RBFOX3: variants seen among roughly 807,000 people sequenced by gnomAD.
RBFOX3 encodes the protein RNA binding protein fox-1 homolog 3.
Under a neutral mutation model 48.7 loss-of-function variants are expected in RBFOX3, and 17 were observed. That is an observed-to-expected ratio of 0.35 (90% confidence interval 0.24 to 0.52). RBFOX3 has a LOEUF of 0.52. Ranked by LOEUF, RBFOX3 falls within the 20% of genes least tolerant of loss-of-function variation. The pLI, the probability that RBFOX3 is intolerant of heterozygous loss-of-function variation, is 0.94. For synonymous variants in RBFOX3, 212 were observed against 209.5 expected, an observed-to-expected ratio of 1.01 and a Z score of -0.10; for missense variants, 382 against 497.5, an observed-to-expected ratio of 0.77 and a Z score of 2.21.
chr17:79,142,804 A>G (rs1475689603), intron 4 of RBFOX3, among the ~76,000 whole-genome samples: 1 of 152,216 alleles, frequency 6.6e-6, no homozygotes. Context: ...ACAGCCCCCA[A>G]GGTCCTCTGG....
rs377031831 is a variant in RBFOX3 at position 79,400,375 on chromosome 17, G to A, written c.-175+82079C>T. Among the ~76,000 whole-genome samples the A allele has an allele frequency of 1.1e-4, 17 of 152,270 alleles. No individual in the cohort carries two copies. The East Asian group carries it at 1.7e-3, about 16-fold the overall frequency. On this transcript the variant is annotated intron_variant, in intron 2 of 14. Coordinates refer to ENST00000693108, the MANE Select transcript of RBFOX3 (RefSeq NM_001350451.2). ...TCTCCAACCCTGCCTCTGCCGTCAC[G>A]GGGCCTTTTCCTGTATGTGTCTTCA... is the stretch of plus-strand genomic sequence containing the variant.
At chr17:79,331,575 C>G (rs4789888) in intron 2 of RBFOX3, among the ~76,000 whole-genome samples, 1 of 152,128 alleles carries the variant, frequency 6.6e-6, no homozygotes, top group Admixed American at 6.5e-5. Context: ...TGTTATTAGA[C>G]GTTTTCACAA....
rs1568257875 is a variant in RBFOX3 at position 79,442,236 on chromosome 17, A to AGG, written c.-175+40217_-175+40218insCC. On this transcript the variant is annotated intron_variant, in intron 2 of 14. Transcript: ENST00000693108. ...GGGGGAGAGAGAGAGAGAGAGAGAG[A>AGG]GAGAGAGAGAGAGAGAGAGAGAGAG... Among the ~76,000 whole-genome samples, 21 of 6,704 alleles carry AGG rather than the reference A, an allele frequency of 3.1e-3. 3 individuals are homozygous for AGG. Among genetic ancestry groups the AGG allele is most frequent in the South Asian group, 0.021 (2 of 94 alleles). 4.4% of individuals were successfully genotyped at this position (6,704 alleles called of 152,430 possible).
intron 1 of RBFOX3, among the ~76,000 whole-genome samples, chr17:79,490,790 G>T (rs1475323159): frequency 2.0e-5 from 3 of 151,224 alleles, no homozygotes; most frequent in African/African-American, 7.3e-5. Context: ...GCTCCTACAA[G>T]ATGGCAAGCT....
chr17:79,301,625 T>C (rs901906556), intron 3 of RBFOX3, among the ~76,000 whole-genome samples: 1 of 152,152 alleles, frequency 6.6e-6, no homozygotes, highest in Non-Finnish European at 1.5e-5. Context: ...CATCACACAG[T>C]GTCAAGACAG....
chr17:79,275,959 C>T (rs1051753124), intron 3 of RBFOX3, among the ~76,000 whole-genome samples: 4 of 152,338 alleles, frequency 2.6e-5, no homozygotes, highest in South Asian at 4.1e-4. Context: ...CAGCCAAAAA[C>T]GGGAAACAAC....
intron 14 of RBFOX3, among the ~76,000 whole-genome samples, chr17:79,093,791 CCA>C (rs60453390): frequency 0.15 from 21,836 of 143,718 alleles, 1,574 homozygotes; most frequent in African/African-American, 0.17. Flanking sequence ...CAACAGCTGG[CCA>C]CACACACACA....
At chr17:79,314,026 G>A (rs1297660447) in intron 2 of RBFOX3, among the ~76,000 whole-genome samples, 1 of 152,222 alleles carries the variant, frequency 6.6e-6, no homozygotes, top group Non-Finnish European at 1.5e-5. Flanking sequence ...TGGCCTCAGA[G>A]GGCAGCGAGT....
intron 2 of RBFOX3, among the ~76,000 whole-genome samples, chr17:79,332,807 A>T (rs1052288225): frequency 6.6e-6 from 1 of 151,804 alleles, no homozygotes; most frequent in Middle Eastern, 3.2e-3. Context: ...AGCCAGAGAG[A>T]AAAAGAGAGA....
At position 79,363,806 on chromosome 17, in the gene RBFOX3, C is replaced by T. The variant is rs571610305; in HGVS notation, c.-174-55982G>A. Among the ~76,000 whole-genome samples, 18 of 152,224 alleles carry T rather than the reference C, an allele frequency of 1.2e-4. No homozygotes were observed. The highest frequency in any genetic ancestry group is 5.2e-4 in the Admixed American group (8 of 15,292). ...TCTGACTGAGGAAGGTCAATCAGCTCGCACCCCTGCCCCACTCAGAACTCT... is the reference window on the plus strand; with the variant it reads ...TCTGACTGAGGAAGGTCAATCAGCTTGCACCCCTGCCCCACTCAGAACTCT... On this transcript the variant is annotated intron_variant, in intron 2 of 14. Transcript: ENST00000693108. This position sits in a 1 kb window ranked among gnomAD's most constrained non-coding sequence, Gnocchi z 4.7.
At position 79,356,024 on chromosome 17, in the gene RBFOX3, C is replaced by T. The variant is rs202048448; in HGVS notation, c.-174-48200G>A. ...TCACTCCTAACTCCAAATATCACTGCGTCTGTATAAACTCTTTCCCCTCTC... is the reference window on the plus strand; with the variant it reads ...TCACTCCTAACTCCAAATATCACTGTGTCTGTATAAACTCTTTCCCCTCTC... On this transcript the variant is annotated intron_variant, in intron 2 of 14. Coordinates refer to ENST00000693108, the MANE Select transcript of RBFOX3 (RefSeq NM_001350451.2). 6.6e-5 allele frequency among the ~76,000 whole-genome samples: 10 copies of T among 152,286 alleles called. No individual in the cohort carries two copies. The East Asian group carries it at 9.6e-4, about 15-fold the overall frequency.
At chr17:79,631,700 CAGG>C in the RBFOX3 span, among the ~76,000 whole-genome samples, 5 of 152,194 alleles carry the variant, frequency 3.3e-5, no homozygotes, top group African/African-American at 4.8e-5. Context: ...GCTCACCTCT[CAGG>C]AGGAGCTGCC....
intron 1 of RBFOX3, among the ~76,000 whole-genome samples, chr17:79,504,202 T>C (rs1441688792): frequency 6.6e-6 from 1 of 152,164 alleles, no homozygotes; most frequent in Non-Finnish European, 1.5e-5. Context: ...GACATTGGCA[T>C]GTACCCCAAT....
At chr17:79,219,618 G>A (rs1032399004) in intron 4 of RBFOX3, among the ~76,000 whole-genome samples, 4 of 152,008 alleles carry the variant, frequency 2.6e-5, no homozygotes, top group East Asian at 1.9e-4. Flanking sequence ...ACAGGGGCTC[G>A]CAGAGGAAGG....
intron 6 of RBFOX3, among the ~76,000 whole-genome samples, chr17:79,106,128 T>C (rs2146639936): frequency 1.3e-5 from 2 of 152,154 alleles, no homozygotes; most frequent in African/African-American, 4.8e-5. Context: ...GTTCCCCACC[T>C]GGGGGCCCGG....
chr17:79,450,788 C>A (rs11655935), intron 2 of RBFOX3, among the ~76,000 whole-genome samples: 24,776 of 152,036 alleles, frequency 0.16, 2,466 homozygotes, highest in Middle Eastern at 0.25. Flanking sequence ...CCCAGGGTAG[C>A]CTGCCAAGAA....
chr17:79,238,638 C>T (rs2061931337), intron 3 of RBFOX3, among the ~76,000 whole-genome samples: 1 of 152,240 alleles, frequency 6.6e-6, no homozygotes, highest in Non-Finnish European at 1.5e-5. Flanking sequence ...GTTCACCCCA[C>T]CCCATCCAAC....
chr17:79,563,273 G>A (rs2092323245), intron 1 of RBFOX3, among the ~76,000 whole-genome samples: 1 of 152,142 alleles, frequency 6.6e-6, no homozygotes, highest in African/African-American at 2.4e-5. Context: ...CAATGAGAAG[G>A]AAGAGGATGA....
At position 79,103,646 on chromosome 17, in the gene RBFOX3, A is replaced by C. The variant is rs1405562076; in HGVS notation, c.415-392T>G. ...GCTTCAGGACCTGCAGGGGCAGCCCACCCATCTCCACCCTCGGAGCCCAGG... is the reference window on the plus strand; with the variant it reads ...GCTTCAGGACCTGCAGGGGCAGCCCCCCCATCTCCACCCTCGGAGCCCAGG... On this transcript the variant is annotated intron_variant, in intron 7 of 14. Coordinates refer to ENST00000693108, the MANE Select transcript of RBFOX3 (RefSeq NM_001350451.2). The surrounding 1 kb of genome is among the most constrained non-coding windows in gnomAD (Gnocchi z 6.1). 6.6e-6 allele frequency among the ~76,000 whole-genome samples: 1 copy of C among 152,036 alleles called. No homozygotes were observed. Among genetic ancestry groups the C allele is most frequent in the Non-Finnish European group, 1.5e-5 (1 of 67,968 alleles).
Sources: allele counts gnomAD v4.1 joint callset (sites outside exome capture counted in the v4.1 genomes callset), GRCh38; gene constraint gnomAD v4.1.1; non-coding constraint Gnocchi (gnomAD v3.1); transcripts MANE v1.5; gene names NCBI Gene and HGNC (gene_info 2026-07-23, HGNC 2026-07-21).